The following PTPRD variants were observed in gnomAD, a reference collection of about 807,000 sequenced individuals.
PTPRD encodes receptor-type tyrosine-protein phosphatase delta.
Under a neutral mutation model 214.5 loss-of-function variants are expected in PTPRD, and 34 were observed. That is an observed-to-expected ratio of 0.16 (90% CI 0.12 to 0.21). The LOEUF is 0.21. Among genes scored for constraint, PTPRD ranks in the 10% least tolerant of loss-of-function variants. The probability of loss-of-function intolerance (pLI) is 1.00; values close to 1 mark genes in which losing one functional copy is unlikely to be tolerated. For missense variants in PTPRD, 2,545 were observed against 2,398.7 expected (o/e 1.06, Z -1.27); for synonymous variants, 1,128 against 845.7 (o/e 1.33, Z -5.79).
chr9:8,838,210 C>G (rs1260803298), intron 11 of PTPRD, among the ~76,000 whole-genome samples: 1 of 150,930 alleles, frequency 6.6e-6, no homozygotes, highest in African/African-American at 2.4e-5. Context: ...TGAACAGAAA[C>G]CAGAAACAGA....
intron 19 of PTPRD, among the ~76,000 whole-genome samples, 164 bp from the exon 20 acceptor site, chr9:8,521,710 G>A (rs549244312): frequency 6.6e-6 from 1 of 152,188 alleles, no homozygotes; most frequent in South Asian, 2.1e-4. Flanking sequence ...GACCATACAA[G>A]TATGGTGTGT....
intron 9 of PTPRD, among the ~76,000 whole-genome samples, chr9:9,383,101 A>G (rs1406948897): frequency 6.6e-6 from 1 of 152,014 alleles, no homozygotes; most frequent in East Asian, 1.9e-4. Context: ...TGGGAATTAT[A>G]TTTTTAGATC....
chr9:9,585,003 C>A lies in PTPRD; in HGVS notation c.-286-10222G>T, dbSNP rs574501362. ...TGTTCCTTTTAAAGTCATCATCACC[C>A]TGGAAAATTTACAGCACACAGAAGT... is the stretch of plus-strand genomic sequence containing the variant. On this transcript the variant is annotated intron_variant, in intron 7 of 45. Coordinates refer to ENST00000381196, the MANE Select transcript of PTPRD (RefSeq NM_002839.4). Among the ~76,000 whole-genome samples, 3 of 152,178 alleles carry A rather than the reference C, an allele frequency of 2.0e-5. No individual in the cohort carries two copies. The South Asian group carries it at 6.2e-4, about 32-fold the overall frequency.
chr9:8,872,304 T>C (rs2098314562), intron 11 of PTPRD, among the ~76,000 whole-genome samples: 1 of 152,178 alleles, frequency 6.6e-6, no homozygotes, highest in Admixed American at 6.5e-5. Flanking sequence ...TCTCCTTTAC[T>C]CTGGAGCAAC....
chr9:9,986,518 C>T (rs914160537), intron 4 of PTPRD, among the ~76,000 whole-genome samples: 1 of 152,030 alleles, frequency 6.6e-6, no homozygotes, highest in African/African-American at 2.4e-5. Flanking sequence ...ACCCAAAAGC[C>T]TCAAAGCATA....
intron 14 of PTPRD, among the ~76,000 whole-genome samples, chr9:8,590,186 G>C (rs542947782): frequency 1.3e-5 from 2 of 152,226 alleles, no homozygotes; most frequent in South Asian, 4.1e-4. Context: ...GATGGTCCAA[G>C]TATCTGAATC....
intron 3 of PTPRD, among the ~76,000 whole-genome samples, chr9:10,328,869 G>A (rs1376188938): frequency 6.6e-6 from 1 of 151,714 alleles, no homozygotes; most frequent in Non-Finnish European, 1.5e-5. Context: ...TCATTTCGAT[G>A]GAAGATCTCT....
At chr9:10,250,140 A>C (rs1283211484) in intron 3 of PTPRD, among the ~76,000 whole-genome samples, 1 of 152,182 alleles carries the variant, frequency 6.6e-6, no homozygotes, top group Non-Finnish European at 1.5e-5. Flanking sequence ...TGATACCTTT[A>C]GCACAGCATA....
At chr9:9,336,365 T>C (rs1339427843) in intron 9 of PTPRD, among the ~76,000 whole-genome samples, 1 of 152,142 alleles carries the variant, frequency 6.6e-6, no homozygotes, top group Non-Finnish European at 1.5e-5. Context: ...TGTTGTGCTA[T>C]CAACTTTTGG....
intron 10 of PTPRD, among the ~76,000 whole-genome samples, chr9:9,090,110 T>C (rs541875761): frequency 4.1e-4 from 63 of 152,244 alleles, no homozygotes; most frequent in African/African-American, 1.3e-3. Flanking sequence ...AAATATACAA[T>C]ATATTGTTGT....
chr9:9,919,642 A>G lies in PTPRD; in HGVS notation c.-368+18865T>C, dbSNP rs573827742. ...GGAAATGGAAATTACAGACTTTGGT[A>G]AGGCAGACTATATTGCAGCTTAATG... On this transcript the variant is annotated intron_variant, in intron 5 of 45. Coordinates refer to ENST00000381196, the MANE Select transcript of PTPRD (RefSeq NM_002839.4). Among the ~76,000 whole-genome samples the G allele has an allele frequency of 5.3e-5, 8 of 152,290 alleles. No homozygotes were observed. The East Asian group carries it at 1.5e-3, about 29-fold the overall frequency.
At chr9:9,076,537 T>C (rs1229876645) in intron 10 of PTPRD, among the ~76,000 whole-genome samples, 1 of 152,124 alleles carries the variant, frequency 6.6e-6, no homozygotes, top group Non-Finnish European at 1.5e-5. Flanking sequence ...CACAAGTAAG[T>C]GAGAACATAT....
intron 2 of PTPRD, among the ~76,000 whole-genome samples, chr9:10,382,871 G>C (rs1186881752): frequency 6.6e-6 from 1 of 151,822 alleles, no homozygotes; most frequent in Non-Finnish European, 1.5e-5. Context: ...AAAAGCTTCT[G>C]ATAGAATCTT....
chr9:9,475,633 G>C (rs944969366), intron 8 of PTPRD, among the ~76,000 whole-genome samples: 15 of 152,222 alleles, frequency 9.9e-5, no homozygotes, highest in African/African-American at 3.4e-4. Context: ...CTTACGAAAT[G>C]GTAGGGATCA....
At chr9:10,468,520 G>T (rs2099009397) in intron 2 of PTPRD, among the ~76,000 whole-genome samples, 1 of 152,110 alleles carries the variant, frequency 6.6e-6, no homozygotes, top group Non-Finnish European at 1.5e-5. Context: ...CCAGGGGAGG[G>T]ATAGCATTAA....
chr9:9,564,885 T>TTTTA (rs71319286), intron 8 of PTPRD, among the ~76,000 whole-genome samples: 7 of 41,028 alleles, frequency 1.7e-4, no homozygotes, highest in African/African-American at 5.0e-4. Flanking sequence ...GAATCTTCTG[T>TTTTA]TTTTTTTTTT....
chr9:8,535,947 G>C (rs1364690311), intron 14 of PTPRD, among the ~76,000 whole-genome samples: 1 of 151,748 alleles, frequency 6.6e-6, no homozygotes, highest in Non-Finnish European at 1.5e-5. Flanking sequence ...GATCATATTA[G>C]ACAAATTTAA....
At chr9:10,282,884 C>G (rs149391567) in intron 3 of PTPRD, among the ~76,000 whole-genome samples, 8 of 152,026 alleles carry the variant, frequency 5.3e-5, no homozygotes, top group African/African-American at 1.4e-4. Flanking sequence ...TCAAAGAAAC[C>G]TTCCTTGAAG....
intron 4 of PTPRD, among the ~76,000 whole-genome samples, chr9:10,002,053 G>C (rs147038306): frequency 8.6e-5 from 13 of 151,924 alleles, no homozygotes; most frequent in African/African-American, 3.1e-4. Context: ...AGCTACATTG[G>C]AGCAATGTTT....
Sources: allele counts gnomAD v4.1 joint callset (sites outside exome capture counted in the v4.1 genomes callset), GRCh38; gene constraint gnomAD v4.1.1; transcripts MANE v1.5; gene names NCBI Gene and HGNC (gene_info 2026-07-23, HGNC 2026-07-21).